KIFC3: variants seen among roughly 807,000 people sequenced by gnomAD.
KIFC3 encodes the protein kinesin-like protein KIFC3.
Under a neutral mutation model 101.8 loss-of-function variants are expected in KIFC3, and 60 were observed. The observed-to-expected ratio is 0.59, with a 90% CI of 0.48 to 0.73. The LOEUF is 0.73. Ranked by LOEUF, KIFC3 falls within the 30% of genes least tolerant of loss-of-function variation. The probability of loss-of-function intolerance (pLI) is 0.00; values close to 1 mark genes in which losing one functional copy is unlikely to be tolerated. For synonymous variants in KIFC3, 476 were observed against 482.7 expected (o/e 0.99, Z 0.18); for missense variants, 966 against 1,137.1 (o/e 0.85, Z 2.16).
At chr16:57,820,360 G>A (rs189657093) in intron 1 of KIFC3, among the ~76,000 whole-genome samples, 9 of 152,262 alleles carry the variant, frequency 5.9e-5, no homozygotes, top group Admixed American at 3.3e-4. Context: ...CTGCAGCCTC[G>A]AATCCCTCGG....
intron 18 of KIFC3, chr16:57,759,477 C>G (rs1027214457): frequency 2.1e-5 from 12 of 578,432 alleles, no homozygotes; most frequent in Middle Eastern, 8.5e-4. Flanking sequence ...GTCAGCACCC[C>G]CGGCTGAGAG....
chr16:57,852,606 C>G (rs929882719), intron 1 of KIFC3, among the ~76,000 whole-genome samples: 2 of 152,136 alleles, frequency 1.3e-5, no homozygotes, highest in East Asian at 1.9e-4. Context: ...CTTTTTAAAT[C>G]CTTTACAATC....
chr16:57,803,543 G>C (rs1298698162), upstream of KIFC3: 3 of 376,876 alleles, frequency 8.0e-6, no homozygotes, highest in African/African-American at 6.3e-5. Context: ...AGGGGGTCGG[G>C]CAACTCCAGG....
At chr16:57,825,440 G>A (rs1293262956) in intron 1 of KIFC3, among the ~76,000 whole-genome samples, 1 of 152,212 alleles carries the variant, frequency 6.6e-6, no homozygotes, top group East Asian at 1.9e-4. Flanking sequence ...GATGCAGCAG[G>A]CTGTTAAACA....
intron 3 of KIFC3, among the ~76,000 whole-genome samples, chr16:57,784,236 A>G (rs1335990017): frequency 6.6e-6 from 1 of 152,258 alleles, no homozygotes; most frequent in Non-Finnish European, 1.5e-5. Context: ...GCAGGCGGGC[A>G]TGCAGCAGGC....
intron 1 of KIFC3, among the ~76,000 whole-genome samples, chr16:57,840,682 C>T (rs2055786186): frequency 6.6e-6 from 1 of 151,732 alleles, no homozygotes; most frequent in South Asian, 2.1e-4. Flanking sequence ...ATCACTTGAA[C>T]CCAGGAGGCA....
chr16:57,802,659 C>G (rs562145210), upstream of KIFC3: 1,571 of 1,001,438 alleles, frequency 1.6e-3, 2 homozygotes, highest in Admixed American at 1.9e-3. The surrounding 1 kb of genome is among the most constrained non-coding windows in gnomAD (Gnocchi z 5.0). Context: ...CACTCCCACT[C>G]CCACTCCCAC....
intron 1 of KIFC3, among the ~76,000 whole-genome samples, chr16:57,799,023 C>T (rs2054553962): frequency 6.6e-6 from 1 of 152,136 alleles, no homozygotes; most frequent in African/African-American, 2.4e-5. Context: ...GAGATAAACA[C>T]TTCAAAAAAA....
At chr16:57,828,414 T>C (rs1426444241) in intron 1 of KIFC3, among the ~76,000 whole-genome samples, 4 of 152,134 alleles carry the variant, frequency 2.6e-5, no homozygotes, top group African/African-American at 7.2e-5. Context: ...TGTGTGCAGA[T>C]GTGGCCATGA....
At chr16:57,847,295 GGGGA>G (rs1304504658) in intron 1 of KIFC3, among the ~76,000 whole-genome samples, 6 of 137,588 alleles carry the variant, frequency 4.4e-5, no homozygotes, top group Non-Finnish European at 6.3e-5. Context: ...GAGAGAGGGC[GGGGA>G]GGGAGGGAGG....
chr16:57,802,923 G>A (rs1189536948), upstream of KIFC3: 3 of 1,497,902 alleles, frequency 2.0e-6, no homozygotes, highest in African/African-American at 1.4e-5. This position sits in a 1 kb window ranked among gnomAD's most constrained non-coding sequence, Gnocchi z 5.0. Context: ...ACCAGTACGT[G>A]TCTTCCCATC....
At chr16:57,822,526 G>A (rs777597805) in intron 1 of KIFC3, among the ~76,000 whole-genome samples, 7 of 151,882 alleles carry the variant, frequency 4.6e-5, no homozygotes, top group African/African-American at 9.7e-5. Context: ...GTGAAACCCC[G>A]TCCCTACTGA....
At chr16:57,842,529 C>T (rs1264611331) in intron 1 of KIFC3, among the ~76,000 whole-genome samples, 1 of 152,220 alleles carries the variant, frequency 6.6e-6, no homozygotes, top group Non-Finnish European at 1.5e-5. Context: ...AGAACAACAA[C>T]AGCAGCAAAA....
chr16:57,783,932 T>C (rs1187075894), intron 3 of KIFC3, among the ~76,000 whole-genome samples: 2 of 152,190 alleles, frequency 1.3e-5, no homozygotes, highest in Non-Finnish European at 2.9e-5. Flanking sequence ...CCCAAGGCGC[T>C]TGAGCCACAC....
intron 1 of KIFC3, among the ~76,000 whole-genome samples, chr16:57,823,241 C>A (rs1430378318): frequency 6.6e-6 from 1 of 152,136 alleles, no homozygotes; most frequent in Non-Finnish European, 1.5e-5. Flanking sequence ...CTCTTTCAAC[C>A]AATTACCAAG....
At chr16:57,816,846 G>C (rs1186935870) in intron 1 of KIFC3, 1 of 431,682 alleles carries the variant, frequency 2.3e-6, no homozygotes, top group African/African-American at 2.1e-5. Flanking sequence ...AGGCCAGGGA[G>C]GTTGGAGGGG....
Position 57,770,744 on chromosome 16 carries a change from G to A in KIFC3, c.766-44C>T, listed in dbSNP as rs563804282. Reference sequence around the variant, plus strand: ...ATGGCACGTGGAGCCAGCGGGCACCGTACCTCACCCAAGAGCCTGAGACGC... The same window carrying A: ...ATGGCACGTGGAGCCAGCGGGCACCATACCTCACCCAAGAGCCTGAGACGC... On this transcript the variant is annotated intron_variant, in intron 6 of 19. Transcript: ENST00000445690. 1.0e-4 allele frequency: 138 copies of A among 1,374,090 alleles called. 1 individual carries two copies. In the South Asian group the frequency reaches 2.0e-3, roughly 20 times the overall value. 85.1% of individuals were successfully genotyped at this position (1,374,090 alleles called of 1,614,324 possible). A position where few individuals can be genotyped will look rare whatever the true frequency, so the allele number is the denominator to read the frequency against.
At chr16:57,811,055 G>A (rs2055059611) in intron 1 of KIFC3, among the ~76,000 whole-genome samples, 1 of 152,212 alleles carries the variant, frequency 6.6e-6, no homozygotes, top group African/African-American at 2.4e-5. Context: ...AGCTGGAAGG[G>A]ATGGTCCTCA....
intron 3 of KIFC3, among the ~76,000 whole-genome samples, chr16:57,784,997 T>G (rs1299445941): frequency 6.6e-6 from 1 of 152,172 alleles, no homozygotes; most frequent in Admixed American, 6.5e-5. Context: ...CAAACTAGCA[T>G]CCACCTTTAA....
Sources: allele counts gnomAD v4.1 joint callset (sites outside exome capture counted in the v4.1 genomes callset), GRCh38; gene constraint gnomAD v4.1.1; non-coding constraint Gnocchi (gnomAD v3.1); transcripts MANE v1.5; gene names NCBI Gene and HGNC (gene_info 2026-07-23, HGNC 2026-07-21).